The following FBXO4 variants were observed in gnomAD, a reference collection of about 807,000 sequenced individuals.
FBXO4 encodes the protein F-box only protein 4.
In FBXO4, 36 loss-of-function variants were observed where a neutral mutation model predicts 43.7. That is an observed-to-expected ratio of 0.82 (90% CI 0.63 to 1.09). The LOEUF (loss-of-function observed/expected upper bound fraction) is 1.09. Ranked by LOEUF, FBXO4 falls within the 50% of genes least tolerant of loss-of-function variation. The pLI is 0.00. For missense variants in FBXO4, 435 were observed against 474.1 expected (o/e 0.92, Z 0.77); for synonymous variants, 180 against 165.6 (o/e 1.09, Z -0.67).
the FBXO4 span, among the ~76,000 whole-genome samples, chr5:42,001,852 A>AT: frequency 4.0e-4 from 60 of 148,416 alleles, no homozygotes; most frequent in African/African-American, 1.1e-3. Context: ...TGGCTGGCTA[A>AT]TTTTTTTTTT....
At chr5:42,000,719 A>G in the FBXO4 span, among the ~76,000 whole-genome samples, 1 of 152,134 alleles carries the variant, frequency 6.6e-6, no homozygotes, top group Non-Finnish European at 1.5e-5. Flanking sequence ...TTGTTTTATC[A>G]TTAAGTATTT....
At chr5:42,035,378 A>G in the FBXO4 span, among the ~76,000 whole-genome samples, 1 of 152,088 alleles carries the variant, frequency 6.6e-6, no homozygotes, top group Non-Finnish European at 1.5e-5. Context: ...GAGTGGTGAG[A>G]GAGGGCATCC....
chr5:42,003,115 G>C, the FBXO4 span, among the ~76,000 whole-genome samples: 1 of 152,184 alleles, frequency 6.6e-6, no homozygotes, highest in African/African-American at 2.4e-5. Flanking sequence ...TAACGAGATA[G>C]ATTATACAAT....
downstream of FBXO4, among the ~76,000 whole-genome samples, chr5:41,944,497 T>C (rs1469321336): frequency 6.6e-6 from 1 of 152,212 alleles, no homozygotes; most frequent in Non-Finnish European, 1.5e-5. Context: ...ACTTAGTGTT[T>C]GTGAAATTAT....
At chr5:41,957,921 C>T in the FBXO4 span, among the ~76,000 whole-genome samples, 1 of 151,980 alleles carries the variant, frequency 6.6e-6, no homozygotes, top group Non-Finnish European at 1.5e-5. Context: ...TTAATCTAGT[C>T]CATAATTTAG....
At chr5:42,019,973 CTGA>C in the FBXO4 span, among the ~76,000 whole-genome samples, 4 of 151,948 alleles carry the variant, frequency 2.6e-5, no homozygotes, top group African/African-American at 9.7e-5. Flanking sequence ...AAAATTATTG[CTGA>C]TTTTTTAATT....
At chr5:41,985,501 G>A in the FBXO4 span, among the ~76,000 whole-genome samples, 1 of 152,106 alleles carries the variant, frequency 6.6e-6, no homozygotes, top group Non-Finnish European at 1.5e-5. Flanking sequence ...ACTAAGGGAT[G>A]GTTCCTATTT....
At chr5:42,036,510 G>A in the FBXO4 span, among the ~76,000 whole-genome samples, 4 of 152,102 alleles carry the variant, frequency 2.6e-5, no homozygotes, top group African/African-American at 9.7e-5. Context: ...TTAGATAAAT[G>A]TATTTACCTC....
rs1751773732 is a variant in FBXO4 at position 41,934,016 on chromosome 5, T to C, written c.717T>C (p.Thr239=). The change falls in exon 4 of 7, where the codon ACT becomes ACC. Residue 239 remains threonine, a synonymous_variant. Transcript: ENST00000281623. ...TCAACATTCTAATCTTATATTCAAC[T>C]ACCAGGTAAGGCTACATACTTGGTG... ...HKFNILILYS[T]TRKERDRARE... 2 of 1,613,556 alleles carry C rather than the reference T, an allele frequency of 1.2e-6. No individual in the cohort carries two copies. Among genetic ancestry groups the C allele is most frequent in the Non-Finnish European group, 1.7e-6 (2 of 1,179,558 alleles).
At chr5:41,999,462 TGTG>T in the FBXO4 span, among the ~76,000 whole-genome samples, 3 of 58,934 alleles carry the variant, frequency 5.1e-5, no homozygotes, top group African/African-American at 2.1e-4. Flanking sequence ...TGTGTGTGTG[TGTG>T]TATATATATA....
the FBXO4 span, among the ~76,000 whole-genome samples, chr5:42,030,527 C>T: frequency 1.3e-5 from 2 of 151,884 alleles, no homozygotes; most frequent in African/African-American, 4.8e-5. Context: ...TAGGCAATAC[C>T]ATTCAGGACA....
At chr5:42,014,552 C>G in the FBXO4 span, among the ~76,000 whole-genome samples, 1 of 152,186 alleles carries the variant, frequency 6.6e-6, no homozygotes, top group African/African-American at 2.4e-5. Context: ...TTTGCCAATA[C>G]TAGAGTTTCT....
the FBXO4 span, among the ~76,000 whole-genome samples, chr5:41,998,875 G>A: frequency 3.3e-5 from 5 of 151,752 alleles, no homozygotes; most frequent in Admixed American, 6.5e-5. Flanking sequence ...TCTCACTCAG[G>A]TAAATCTTAG....
At chr5:41,960,690 T>G in the FBXO4 span, among the ~76,000 whole-genome samples, 1 of 152,170 alleles carries the variant, frequency 6.6e-6, no homozygotes, top group Non-Finnish European at 1.5e-5. Flanking sequence ...GGTGTTGATG[T>G]TCTCTATTGC....
chr5:41,934,556 G>A, intron 5 of FBXO4: 1 of 1,356,904 alleles, frequency 7.4e-7, no homozygotes. Flanking sequence ...TTTGGGTTGT[G>A]TGAATCAGAT....
At chr5:41,944,246 C>T (rs1046601558), downstream of FBXO4, among the ~76,000 whole-genome samples, 1 of 152,190 alleles carries the variant, frequency 6.6e-6, no homozygotes, top group African/African-American at 2.4e-5. Context: ...AGTTCTACAA[C>T]TGCAATTAAA....
At chr5:41,975,237 G>T in the FBXO4 span, among the ~76,000 whole-genome samples, 1 of 152,186 alleles carries the variant, frequency 6.6e-6, no homozygotes, top group African/African-American at 2.4e-5. Flanking sequence ...GGCTTTGTCT[G>T]CCCCAGGGAA....
At chr5:42,019,694 C>G in the FBXO4 span, among the ~76,000 whole-genome samples, 2 of 81,198 alleles carry the variant, frequency 2.5e-5, no homozygotes, top group African/African-American at 9.1e-5. Flanking sequence ...GACTCCGTCT[C>G]AAAAAAAAAA....
At chr5:41,952,182 G>C in the FBXO4 span, 8 of 160,030 alleles carry the variant, frequency 5.0e-5, no homozygotes, top group African/African-American at 1.9e-4. Flanking sequence ...GGACATCAAG[G>C]GCTCTGAACA....
Sources: gnomAD v4.1 joint callset for allele counts (sites outside exome capture counted in the v4.1 genomes callset) on GRCh38, gnomAD v4.1.1 for gene constraint, MANE v1.5 for transcripts, NCBI Gene and HGNC (gene_info 2026-07-23, HGNC 2026-07-21) for gene names.